The following STK31 variants were observed in gnomAD, a reference collection of about 807,000 sequenced individuals.
STK31 encodes the protein serine/threonine-protein kinase 31.
A neutral mutation model predicts 129.7 loss-of-function variants in STK31; 89 were observed. The observed-to-expected ratio is 0.69, with a 90% CI of 0.58 to 0.82. The LOEUF (loss-of-function observed/expected upper bound fraction) is 0.82, where lower values mean the gene tolerates loss of function less well. Ranked by LOEUF, STK31 falls within the 40% of genes least tolerant of loss-of-function variation. The pLI is 0.00. For missense variants in STK31, 1,187 were observed against 1,176.4 expected (o/e 1.01, Z -0.13); for synonymous variants, 448 against 395.3 (o/e 1.13, Z -1.58).
intron 18 of STK31, 146 bp from the exon 19 acceptor site, chr7:23,786,362 G>C (rs1188177024): frequency 1.2e-6 from 1 of 864,880 alleles, no homozygotes; most frequent in Non-Finnish European, 1.5e-6. Context: ...AGCATTCAAA[G>C]AAGATAGAAA....
chr7:23,789,991 T>C (rs1297544016), intron 21 of STK31, among the ~76,000 whole-genome samples: 1 of 152,188 alleles, frequency 6.6e-6, no homozygotes, highest in Non-Finnish European at 1.5e-5. Context: ...TCAGGCCTTA[T>C]AGTGCATACA....
At chr7:23,815,554 ATTCAG>A (rs1455129834) in intron 23 of STK31, among the ~76,000 whole-genome samples, 15 of 152,202 alleles carry the variant, frequency 9.9e-5, no homozygotes, top group African/African-American at 3.6e-4. Flanking sequence ...TCACATATGT[ATTCAG>A]CCAACATATT....
At chr7:23,740,353 C>T (rs964850847) in intron 8 of STK31, among the ~76,000 whole-genome samples, 1 of 152,036 alleles carries the variant, frequency 6.6e-6, no homozygotes, top group Non-Finnish European at 1.5e-5. Flanking sequence ...CTTCTGTGTC[C>T]TTTTGACATC....
intron 22 of STK31, among the ~76,000 whole-genome samples, chr7:23,798,279 G>A (rs1316559949): frequency 6.6e-6 from 1 of 151,908 alleles, no homozygotes; most frequent in Non-Finnish European, 1.5e-5. Context: ...GTACCAAAAC[G>A]TGCCAGAGAC....
intron 13 of STK31, among the ~76,000 whole-genome samples, chr7:23,770,199 T>C (rs1249421420): frequency 6.6e-6 from 1 of 152,154 alleles, no homozygotes; most frequent in African/African-American, 2.4e-5. Flanking sequence ...TATTCTTTGT[T>C]ACAGTGTCAA....
intron 6 of STK31, among the ~76,000 whole-genome samples, chr7:23,729,650 C>T (rs999054440): frequency 1.3e-5 from 2 of 151,882 alleles, no homozygotes; most frequent in Admixed American, 6.6e-5. Context: ...AGCTGGATTA[C>T]AGGCCTGTGC....
chr7:23,793,092 T>C (rs1416223946), intron 22 of STK31, among the ~76,000 whole-genome samples: 1 of 152,220 alleles, frequency 6.6e-6, no homozygotes, highest in African/African-American at 2.4e-5. Flanking sequence ...ACAATATAAA[T>C]AGACTGCACA....
chr7:23,827,101 C>G (rs555488822), intron 23 of STK31, among the ~76,000 whole-genome samples: 34 of 152,212 alleles, frequency 2.2e-4, no homozygotes, highest in Middle Eastern at 6.8e-3. Context: ...TGAGGAGTAT[C>G]TTTGTGGCAT....
At chr7:23,782,087 C>T (rs376718386) in intron 16 of STK31, among the ~76,000 whole-genome samples, 2 of 152,054 alleles carry the variant, frequency 1.3e-5, no homozygotes, top group East Asian at 1.9e-4. Flanking sequence ...GAAAATAAGT[C>T]ATTGTATTTT....
chr7:23,771,419 A>G (rs1349121266), intron 14 of STK31: 3 of 189,914 alleles, frequency 1.6e-5, no homozygotes, highest in East Asian at 1.3e-4. Flanking sequence ...AACATTGCTT[A>G]TAATTCCCTT....
intron 21 of STK31, 40 bp from the exon 22 acceptor site, chr7:23,790,784 C>T (rs1584453642): frequency 6.5e-7 from 1 of 1,532,780 alleles, no homozygotes; most frequent in Admixed American, 2.2e-5. Flanking sequence ...GTCACCTCAA[C>T]TGTGTTGTAT....
chr7:23,810,706 A>G (rs1358408511), intron 22 of STK31, among the ~76,000 whole-genome samples: 8 of 81,190 alleles, frequency 9.9e-5, no homozygotes, highest in Admixed American at 3.5e-4. Context: ...AAATAGATAT[A>G]TATAAAATAG....
chr7:23,754,238 A>T (rs1488206258), intron 9 of STK31, 77 bp from the exon 10 acceptor site: 2 of 1,456,850 alleles, frequency 1.4e-6, no homozygotes, highest in Non-Finnish European at 1.9e-6. Context: ...TTAGACCATT[A>T]CTATTAAAGT....
intron 6 of STK31, among the ~76,000 whole-genome samples, chr7:23,731,133 C>T (rs575994676): frequency 5.9e-4 from 89 of 152,002 alleles, no homozygotes; most frequent in African/African-American, 2.0e-3. Flanking sequence ...ATCCCCCTGT[C>T]TCTGCCTTCC....
At chr7:23,824,556 G>T (rs189841445) in intron 23 of STK31, among the ~76,000 whole-genome samples, 49,012 of 151,628 alleles carry the variant, frequency 0.32, 9,081 homozygotes, top group African/African-American at 0.52. Context: ...AGGGACAATT[G>T]GACTTCCTCT....
At chr7:23,785,435 G>T in intron 17 of STK31, 43 bp from the exon 18 acceptor site, 1 of 1,596,050 alleles carries the variant, frequency 6.3e-7, no homozygotes, top group Non-Finnish European at 8.6e-7. Context: ...TTAAGTGCTG[G>T]GATTGTTTGG....
At chr7:23,714,519 C>G (rs1236725792) in intron 3 of STK31, among the ~76,000 whole-genome samples, 2 of 152,126 alleles carry the variant, frequency 1.3e-5, no homozygotes, top group African/African-American at 4.8e-5. Context: ...TTAATAAGTA[C>G]ATTTTATTTA....
At position 23,740,017 on chromosome 7, in the gene STK31, G is replaced by A. The variant is rs190695445; in HGVS notation, c.1017+2939G>A. 7.2e-5 allele frequency among the ~76,000 whole-genome samples: 11 copies of A among 152,266 alleles called. No individual in the cohort carries two copies. The East Asian group carries it at 1.3e-3, about 19-fold the overall frequency. On this transcript the variant is annotated intron_variant, in intron 8 of 23. Coordinates refer to ENST00000355870, the MANE Select transcript of STK31 (RefSeq NM_031414.5). ...TTTTCTAGTTCTGTGAAGAAAGTCA[G>A]TGGTAGTTTGATGGGAATAGAATTG... is the stretch of plus-strand genomic sequence containing the variant.
chr7:23,753,028 G>C (rs976278803), intron 9 of STK31, among the ~76,000 whole-genome samples, 196 bp downstream of exon 9: 1 of 152,068 alleles, frequency 6.6e-6, no homozygotes, highest in African/African-American at 2.4e-5. Flanking sequence ...TCACTGCTTG[G>C]AGCTAGAGTG....
Sources: gnomAD v4.1 joint callset for allele counts (sites outside exome capture counted in the v4.1 genomes callset) on GRCh38, gnomAD v4.1.1 for gene constraint, MANE v1.5 for transcripts, NCBI Gene and HGNC (gene_info 2026-07-23, HGNC 2026-07-21) for gene names.